Variants in CDK19 observed in about 807,000 individuals in gnomAD.
CDK19 encodes the protein cyclin-dependent kinase 19.
A neutral mutation model predicts 68.3 loss-of-function variants in CDK19; 20 were observed. The ratio of observed to expected loss-of-function variants is 0.29; its 90% CI spans 0.21 to 0.43. CDK19 has a LOEUF of 0.43. CDK19 is among the 20% of genes least tolerant of loss of function. The pLI, the probability that CDK19 is intolerant of heterozygous loss-of-function variation, is 1.00. For synonymous variants in CDK19, 221 were observed against 222.8 expected, an observed-to-expected ratio of 0.99 and a Z score of 0.07; for missense variants, 339 against 623.5, an observed-to-expected ratio of 0.54 and a Z score of 4.86.
In CDK19 at chr6:110,667,377, T is replaced by TA. The variant is rs1782009239; in HGVS notation, c.456+56dup. On this transcript the variant is annotated intron_variant, in intron 4 of 12. Coordinates refer to ENST00000368911, the MANE Select transcript of CDK19 (RefSeq NM_015076.5). The stretch of plus-strand genomic sequence containing the variant: ...TTATAATGGTACCAAGAAGAAAATA[T>TA]ATTTTTTAAAAGAGTAGGGAAAAAC... The TA allele has an allele frequency of 3.8e-5, 44 of 1,162,366 alleles. 1 individual carries two copies. The South Asian group carries it at 6.6e-4, about 17-fold the overall frequency. 72.0% of individuals were successfully genotyped at this position (1,162,366 alleles called of 1,614,324 possible). A position where few individuals can be genotyped will look rare whatever the true frequency, so the allele number is the denominator to read the frequency against.
At chr6:110,772,795 A>C (rs564702645) in intron 1 of CDK19, among the ~76,000 whole-genome samples, 14 of 151,822 alleles carry the variant, frequency 9.2e-5, no homozygotes, top group Admixed American at 5.9e-4. Context: ...TGGGAGGCTG[A>C]AGTGGGAGGA....
At chr6:110,724,023 A>C (rs1776139937) in intron 2 of CDK19, among the ~76,000 whole-genome samples, 1 of 152,266 alleles carries the variant, frequency 6.6e-6, no homozygotes, top group South Asian at 2.1e-4. Flanking sequence ...TTAAAAAAAA[A>C]AAAAAAACTA....
At chr6:110,688,758 T>G (rs1382690307) in intron 2 of CDK19, among the ~76,000 whole-genome samples, 1 of 152,200 alleles carries the variant, frequency 6.6e-6, no homozygotes, top group Non-Finnish European at 1.5e-5. Flanking sequence ...CAATGCAGAC[T>G]GAGGGAAGCC....
chr6:110,783,205 G>C (rs1780942806), intron 1 of CDK19, among the ~76,000 whole-genome samples: 1 of 152,134 alleles, frequency 6.6e-6, no homozygotes, highest in Non-Finnish European at 1.5e-5. Context: ...TTTGGGTAGG[G>C]GCAGGAACAG....
chr6:110,661,288 C>T (rs1195150883), intron 4 of CDK19, among the ~76,000 whole-genome samples: 4 of 152,100 alleles, frequency 2.6e-5, no homozygotes, highest in Admixed American at 2.0e-4. Context: ...TCTGGATAGG[C>T]CCATTGTATG....
intron 2 of CDK19, among the ~76,000 whole-genome samples, chr6:110,737,384 C>T (rs551192626): frequency 6.6e-6 from 1 of 152,162 alleles, no homozygotes; most frequent in African/African-American, 2.4e-5. Context: ...TGGCAATAAT[C>T]GGTGTTTAAA....
chr6:110,632,049 C>T lies in CDK19; in HGVS notation c.627G>A (p.Arg209=). 1 of 1,611,042 alleles carries T rather than the reference C, an allele frequency of 6.2e-7. No homozygotes were observed. The highest frequency in any genetic ancestry group is 8.5e-7 in the Non-Finnish European group (1 of 1,177,386). The change falls in exon 6 of 13, where the codon AGG becomes AGA. Residue 209 remains arginine, a synonymous_variant. Transcript: ENST00000368911. ...YRAPELLLGA[R]HYTKAIDIWA... Reference sequence around the variant, plus strand: ...ACTTACCAATGGCCTTTGTATAATGCCTTGCACCAAGCAAAAGTTCTGGAG... The same window carrying T: ...ACTTACCAATGGCCTTTGTATAATGTCTTGCACCAAGCAAAAGTTCTGGAG...
Position 110,646,109 on chromosome 6 carries a change from C to T in CDK19, c.457-7403G>A, listed in dbSNP as rs1400189574. 8.0e-6 allele frequency: 7 copies of T among 874,098 alleles called. No individual in the cohort carries two copies. In the African/African-American group the frequency reaches 9.9e-5, roughly 12 times the overall value. The allele number at this position is 874,098 out of a possible 1,614,324, so 54.1% of individuals were successfully genotyped here. On this transcript the variant is annotated intron_variant, in intron 4 of 12. Transcript: ENST00000368911. Reference sequence around the variant, plus strand: ...TTGTGGCTAAGCAAGGCACCTCCTTCGAGGTGATTCTCATCTCTGATGCTA... The same window carrying T: ...TTGTGGCTAAGCAAGGCACCTCCTTTGAGGTGATTCTCATCTCTGATGCTA...
intron 2 of CDK19, among the ~76,000 whole-genome samples, chr6:110,677,479 T>C (rs1771625642): frequency 6.7e-6 from 1 of 149,432 alleles, no homozygotes; most frequent in Admixed American, 6.7e-5. Flanking sequence ...GGCAGGAGAA[T>C]GGCATGAACC....
chr6:110,723,221 G>C (rs1454268944), intron 2 of CDK19, among the ~76,000 whole-genome samples: 2 of 151,492 alleles, frequency 1.3e-5, no homozygotes, highest in Non-Finnish European at 2.9e-5. Context: ...CACAAGCAAG[G>C]CCACATGAAG....
chr6:110,724,778 C>CT (rs397957607), intron 2 of CDK19, among the ~76,000 whole-genome samples: 58 of 149,214 alleles, frequency 3.9e-4, no homozygotes, highest in African/African-American at 9.6e-4. Flanking sequence ...TAGATAAGAT[C>CT]TTTTTTTTTT....
chr6:110,746,108 G>C lies in CDK19; in HGVS notation c.204+18C>G, dbSNP rs757391680. The C allele has an allele frequency of 2.1e-6, 3 of 1,426,316 alleles. No individual in the cohort carries two copies. Among genetic ancestry groups the C allele is most frequent in the Non-Finnish European group, 2.9e-6 (3 of 1,040,064 alleles). 88.4% of individuals were successfully genotyped at this position (1,426,316 alleles called of 1,614,324 possible). On this transcript the variant is annotated intron_variant, in intron 2 of 12. Transcript: ENST00000368911. ...AATATCAATAATAAAATAAATAACT[G>C]TATTTGTATCCACTTACTGCAATCT...
chr6:110,615,318 A>G (rs1051690806), intron 12 of CDK19, among the ~76,000 whole-genome samples: 5 of 152,264 alleles, frequency 3.3e-5, no homozygotes, highest in Admixed American at 3.3e-4. Flanking sequence ...ATGTATTTTT[A>G]TTACATTAAA....
intron 12 of CDK19, among the ~76,000 whole-genome samples, chr6:110,616,051 G>C (rs987461920): frequency 2.0e-4 from 31 of 151,972 alleles, no homozygotes; most frequent in African/African-American, 7.5e-4. Flanking sequence ...GCCCACCAAA[G>C]TATCTTTGAA....
chr6:110,627,193 A>C (rs1190013715), intron 6 of CDK19, 48 bp from the exon 7 acceptor site: 2 of 1,395,028 alleles, frequency 1.4e-6, no homozygotes, highest in Non-Finnish European at 2.0e-6. Flanking sequence ...CTTGGTTATA[A>C]TTCCTAGATA....
In CDK19 at chr6:110,614,659, C is replaced by T; in HGVS notation, c.1385G>A (p.Ser462Asn). 1 of 1,613,990 alleles carries T rather than the reference C, an allele frequency of 6.2e-7. No homozygotes were observed. Among genetic ancestry groups the T allele is most frequent in the Non-Finnish European group, 8.5e-7 (1 of 1,179,964 alleles). ...GCTGCTTTGGTAATTCAGGCGAGAA[C>T]TGGAGTGCTAGGAGAAGGAAACAGG... ...PVMPSDYQHSSSRLNYQSSVQ... is the reference protein window; with the variant it reads ...PVMPSDYQHSNSRLNYQSSVQ... Residue 462 changes from serine (S) to asparagine (N), a missense_variant, in exon 13 of 13, where the codon AGT becomes AAT. Transcript: ENST00000368911.
At chr6:110,624,232 G>C (rs577682630) in intron 8 of CDK19, among the ~76,000 whole-genome samples, 1 of 152,094 alleles carries the variant, frequency 6.6e-6, no homozygotes, top group Non-Finnish European at 1.5e-5. Context: ...TCTACCCTCT[G>C]GGAGGGATGT....
intron 4 of CDK19, among the ~76,000 whole-genome samples, chr6:110,642,380 C>G (rs1397245450): frequency 6.7e-6 from 1 of 150,152 alleles, no homozygotes; most frequent in Non-Finnish European, 1.5e-5. Context: ...AACCCTCATT[C>G]ATTCAACAAA....
At chr6:110,809,266 G>A (rs147988094) in intron 1 of CDK19, among the ~76,000 whole-genome samples, 4,257 of 151,574 alleles carry the variant, frequency 0.028, 82 homozygotes, top group South Asian at 0.084. Context: ...TGTAATCCCA[G>A]CACTTTGGGA....
Sources: gnomAD v4.1 joint callset for allele counts (sites outside exome capture counted in the v4.1 genomes callset) on GRCh38, gnomAD v4.1.1 for gene constraint, MANE v1.5 for transcripts, NCBI Gene and HGNC (gene_info 2026-07-23, HGNC 2026-07-21) for gene names.